Variants in SPAG16 observed in about 807,000 individuals in gnomAD.
The protein encoded by SPAG16 is sperm associated antigen 16.
SPAG16 carries 86 observed loss-of-function variants against 80.4 expected under a neutral mutation model. That is an observed-to-expected ratio of 1.07 (90% confidence interval 0.90 to 1.28). SPAG16 has a LOEUF of 1.28. SPAG16 is among the 50% of genes most tolerant of loss of function. SPAG16 has a pLI of 0.00. For missense variants in SPAG16, 870 were observed against 765.3 expected (o/e 1.14, Z -1.61); for synonymous variants, 294 against 265.9 (o/e 1.11, Z -1.03).
intron 15 of SPAG16, chr2:214,281,378 G>A (rs188574595): frequency 5.1e-4 from 102 of 201,510 alleles, no homozygotes; most frequent in Middle Eastern, 2.8e-3. Context: ...CAATTTTACC[G>A]TCCCATTGTC....
chr2:213,960,913 A>G (rs2044383304), intron 12 of SPAG16, among the ~76,000 whole-genome samples: 1 of 152,188 alleles, frequency 6.6e-6, no homozygotes, highest in Non-Finnish European at 1.5e-5. Flanking sequence ...TGGAAGCAGC[A>G]ATCAGTAATC....
At chr2:214,160,634 C>T (rs1016146102) in intron 15 of SPAG16, among the ~76,000 whole-genome samples, 1 of 151,928 alleles carries the variant, frequency 6.6e-6, no homozygotes, top group Non-Finnish European at 1.5e-5. Context: ...AATATGTTCT[C>T]TTAGATCTGC....
intron 15 of SPAG16, among the ~76,000 whole-genome samples, chr2:214,189,355 A>G (rs994210067): frequency 1.3e-5 from 2 of 152,010 alleles, no homozygotes; most frequent in African/African-American, 4.8e-5. Context: ...CACCAAAGCT[A>G]TTAAACACTG....
At chr2:213,555,487 A>G (rs1399425560) in intron 10 of SPAG16, among the ~76,000 whole-genome samples, 1 of 152,210 alleles carries the variant, frequency 6.6e-6, no homozygotes, top group Non-Finnish European at 1.5e-5. Context: ...GCCTTCCACC[A>G]TGATTGAAAG....
intron 15 of SPAG16, among the ~76,000 whole-genome samples, chr2:214,335,277 A>T: frequency 6.6e-6 from 1 of 151,922 alleles, no homozygotes; most frequent in East Asian, 1.9e-4. Context: ...AGTAGCCAAT[A>T]CTCCTAGCAA....
intron 9 of SPAG16, among the ~76,000 whole-genome samples, chr2:213,452,008 T>C (rs970707375): frequency 6.6e-6 from 1 of 150,708 alleles, no homozygotes; most frequent in Non-Finnish European, 1.5e-5. Flanking sequence ...CTTTGTGTGC[T>C]TAAAGAAAGG....
At chr2:213,958,093 T>C (rs531496190) in intron 12 of SPAG16, among the ~76,000 whole-genome samples, 2 of 152,278 alleles carry the variant, frequency 1.3e-5, no homozygotes, top group South Asian at 4.1e-4. Flanking sequence ...CCAGGACACA[T>C]GCTCACCTAG....
chr2:214,277,767 G>A (rs1416324767), intron 15 of SPAG16, among the ~76,000 whole-genome samples: 2 of 152,310 alleles, frequency 1.3e-5, no homozygotes, highest in East Asian at 1.9e-4. Context: ...AGGGGTCAGG[G>A]ACCCACTTGA....
chr2:214,086,076 T>C (rs1229424682), intron 13 of SPAG16, among the ~76,000 whole-genome samples: 2 of 152,198 alleles, frequency 1.3e-5, no homozygotes, highest in Non-Finnish European at 2.9e-5. Flanking sequence ...TCATGAAACA[T>C]TGTACTTTTT....
intron 10 of SPAG16, among the ~76,000 whole-genome samples, chr2:213,589,318 G>A (rs769938124): frequency 7.2e-5 from 11 of 152,086 alleles, no homozygotes; most frequent in Non-Finnish European, 1.6e-4. Context: ...ATATATTCCC[G>A]TTTGAAGTAT....
intron 10 of SPAG16, among the ~76,000 whole-genome samples, chr2:213,860,482 T>TAG (rs1553646319): frequency 0.014 from 1,868 of 132,346 alleles, 32 homozygotes; most frequent in African/African-American, 0.018. Flanking sequence ...TCTATATATA[T>TAG]ATATACACAC....
intron 12 of SPAG16, among the ~76,000 whole-genome samples, chr2:213,985,414 A>G (rs2045953947): frequency 6.6e-6 from 1 of 152,274 alleles, no homozygotes; most frequent in African/African-American, 2.4e-5. Flanking sequence ...TTACAAAAGC[A>G]AAAGGAAAAT....
chr2:214,209,193 C>G (rs1472929128), intron 15 of SPAG16, among the ~76,000 whole-genome samples: 1 of 152,048 alleles, frequency 6.6e-6, no homozygotes. Context: ...GGTCCCTTCA[C>G]CCACTATGGT....
At chr2:213,362,269 T>C (rs1354771457) in intron 7 of SPAG16, among the ~76,000 whole-genome samples, 1 of 152,208 alleles carries the variant, frequency 6.6e-6, no homozygotes, top group African/African-American at 2.4e-5. Context: ...TAAATATCTT[T>C]GATTCCTTAA....
intron 12 of SPAG16, among the ~76,000 whole-genome samples, chr2:213,981,611 A>G (rs1470969227): frequency 6.6e-6 from 1 of 152,124 alleles, no homozygotes; most frequent in Non-Finnish European, 1.5e-5. Flanking sequence ...AAATGAAAAT[A>G]GCGTACCTAT....
intron 15 of SPAG16, among the ~76,000 whole-genome samples, chr2:214,298,473 T>C (rs1445545085): frequency 1.3e-5 from 2 of 152,228 alleles, no homozygotes; most frequent in East Asian, 3.9e-4. Context: ...TTAGACTAGC[T>C]GGCAATGGTA....
chr2:213,874,938 C>T (rs961465886), intron 11 of SPAG16, among the ~76,000 whole-genome samples: 23 of 151,950 alleles, frequency 1.5e-4, no homozygotes, highest in African/African-American at 5.1e-4. Context: ...TCCTGTCATC[C>T]TTATAGAAAT....
chr2:213,413,305 A>C (rs1418402484), intron 9 of SPAG16, among the ~76,000 whole-genome samples: 1 of 152,074 alleles, frequency 6.6e-6, no homozygotes, highest in East Asian at 1.9e-4. Flanking sequence ...TATTATTTAA[A>C]TTTTTTTGAA....
At chr2:213,363,395 T>C (rs183223737) in intron 7 of SPAG16, among the ~76,000 whole-genome samples, 10 of 152,224 alleles carry the variant, frequency 6.6e-5, no homozygotes, top group Non-Finnish European at 1.0e-4. Context: ...TGTTATTTTC[T>C]ATTAATAAAG....
Sources: allele counts gnomAD v4.1 joint callset (sites outside exome capture counted in the v4.1 genomes callset), GRCh38; gene constraint gnomAD v4.1.1; transcripts MANE v1.5; gene names NCBI Gene and HGNC (gene_info 2026-07-23, HGNC 2026-07-21).